Variants in NHSL1 observed in about 807,000 individuals in gnomAD.
NHSL1 encodes NHS like 1, also known as NHS-like protein 1.
In NHSL1, 48 loss-of-function variants were observed where a neutral mutation model predicts 95.0. The ratio of observed to expected loss-of-function variants is 0.51; its 90% CI spans 0.40 to 0.64. The LOEUF (loss-of-function observed/expected upper bound fraction) is 0.64, where lower values mean the gene tolerates loss of function less well. Among genes scored for constraint, NHSL1 ranks in the 30% least tolerant of loss-of-function variants. The pLI, the probability that NHSL1 is intolerant of heterozygous loss-of-function variation, is 0.00. For missense variants in NHSL1, 1,971 were observed against 2,077.7 expected, an observed-to-expected ratio of 0.95 and a Z score of 1.00; for synonymous variants, 783 against 833.9, an observed-to-expected ratio of 0.94 and a Z score of 1.05.
chr6:138,486,298 T>C (rs1000852343), intron 2 of NHSL1, among the ~76,000 whole-genome samples: 2 of 152,210 alleles, frequency 1.3e-5, no homozygotes, highest in African/African-American at 4.8e-5. Context: ...CACTCACCTT[T>C]ATTTCTTTAA....
intron 1 of NHSL1, among the ~76,000 whole-genome samples, chr6:138,590,212 G>T (rs1379508492): frequency 6.6e-6 from 1 of 152,150 alleles, no homozygotes; most frequent in Non-Finnish European, 1.5e-5. Flanking sequence ...TGGCCAGGCT[G>T]GTCTCAAACT....
intron 2 of NHSL1, among the ~76,000 whole-genome samples, chr6:138,475,277 T>C (rs1486293324): frequency 6.6e-6 from 1 of 152,056 alleles, no homozygotes; most frequent in Non-Finnish European, 1.5e-5. Context: ...TGGAGTGCAG[T>C]AGCATGATGA....
chr6:138,652,401 T>C (rs908816607), intron 1 of NHSL1, among the ~76,000 whole-genome samples: 3 of 149,748 alleles, frequency 2.0e-5, no homozygotes, highest in Admixed American at 2.0e-4. Flanking sequence ...GATCGCGCCA[T>C]TACACTCCAG....
intron 1 of NHSL1, among the ~76,000 whole-genome samples, chr6:138,648,631 C>A (rs1018788367): frequency 2.0e-5 from 3 of 152,186 alleles, no homozygotes; most frequent in African/African-American, 7.2e-5. Context: ...TGCACAGTAT[C>A]GATTCTGCTG....
intron 1 of NHSL1, among the ~76,000 whole-genome samples, chr6:138,540,641 A>C (rs1156382250): frequency 6.6e-6 from 1 of 152,218 alleles, no homozygotes; most frequent in Non-Finnish European, 1.5e-5. Flanking sequence ...GGATAGAGTT[A>C]GTTTCTAATA....
intron 1 of NHSL1, among the ~76,000 whole-genome samples, chr6:138,562,359 T>C (rs1783442514): frequency 6.6e-6 from 1 of 152,132 alleles, no homozygotes; most frequent in Non-Finnish European, 1.5e-5. Context: ...AAAGATACCC[T>C]AACATGGCCA....
chr6:138,616,928 T>G (rs1784586464), intron 1 of NHSL1, among the ~76,000 whole-genome samples: 1 of 152,162 alleles, frequency 6.6e-6, no homozygotes, highest in Non-Finnish European at 1.5e-5. Context: ...TTAAAGGAAG[T>G]GCTCCCAGCA....
chr6:138,591,130 T>C (rs553655443), intron 1 of NHSL1, among the ~76,000 whole-genome samples: 16 of 152,240 alleles, frequency 1.1e-4, no homozygotes, highest in African/African-American at 3.6e-4. Flanking sequence ...GACCTATCTT[T>C]TTGAACTTGA....
upstream of NHSL1, among the ~76,000 whole-genome samples, chr6:138,577,144 T>C (rs1179280820): frequency 9.2e-5 from 14 of 152,216 alleles, no homozygotes; most frequent in Admixed American, 7.9e-4. Flanking sequence ...TTTCAGCATA[T>C]ACTGGCATCC....
rs1430232074 is a variant in NHSL1 at position 138,430,679 on chromosome 6, T to C, written c.3666A>G (p.Glu1222=). ...FAVEPAENVS[E]ALRAVPSPTT... ...TGGGGCTGGGCACAGCTCGGAGGGC[T>C]TCGCTCACGTTCTCTGCGGGCTCCA... The change falls in exon 6 of 8, where the codon GAA becomes GAG. Residue 1222 remains glutamate, a synonymous_variant. Transcript: ENST00000343505. This position sits in a 1 kb window ranked among gnomAD's most constrained non-coding sequence, Gnocchi z 4.7. The C allele has an allele frequency of 5.8e-6, 9 of 1,551,708 alleles. No individual in the cohort carries two copies. Among genetic ancestry groups the C allele is most frequent in the Non-Finnish European group, 7.0e-6 (8 of 1,146,996 alleles).
intron 1 of NHSL1, among the ~76,000 whole-genome samples, chr6:138,497,137 C>A (rs1426206560): frequency 6.6e-6 from 1 of 152,158 alleles, no homozygotes; most frequent in Non-Finnish European, 1.5e-5. Context: ...TAAATCTCTA[C>A]AATAATTTTT....
At chr6:138,671,136 C>A (rs1785362705) in intron 1 of NHSL1, among the ~76,000 whole-genome samples, 1 of 152,010 alleles carries the variant, frequency 6.6e-6, no homozygotes, top group African/African-American at 2.4e-5. Context: ...GCCTGAGTGA[C>A]AGAGCAAGAT....
At chr6:138,501,884 A>C (rs1562332150), upstream of NHSL1, among the ~76,000 whole-genome samples, 1 of 152,218 alleles carries the variant, frequency 6.6e-6, no homozygotes, top group Non-Finnish European at 1.5e-5. Context: ...TACCTAATAC[A>C]ATGTAAATGC....
intron 1 of NHSL1, among the ~76,000 whole-genome samples, chr6:138,644,698 G>C (rs1398211886): frequency 2.0e-5 from 3 of 152,094 alleles, no homozygotes; most frequent in Non-Finnish European, 4.4e-5. Context: ...TGAGAGATAA[G>C]GAAATAGGGT....
intron 1 of NHSL1, among the ~76,000 whole-genome samples, chr6:138,644,213 C>G (rs188724749): frequency 3.4e-4 from 51 of 152,024 alleles, no homozygotes; most frequent in Admixed American, 9.2e-4. Flanking sequence ...CAATAAGAAG[C>G]AATTTCTGGC....
chr6:138,624,880 C>T (rs556627441), intron 1 of NHSL1, among the ~76,000 whole-genome samples: 34 of 152,180 alleles, frequency 2.2e-4, no homozygotes, highest in African/African-American at 8.2e-4. Flanking sequence ...CTATCTCTAC[C>T]GTTTTCAATT....
chr6:138,657,814 CAAAAAAAAAAAA>C (rs1051789759), intron 1 of NHSL1, among the ~76,000 whole-genome samples: 21 of 33,042 alleles, frequency 6.4e-4, no homozygotes, highest in Non-Finnish European at 1.1e-3. Context: ...GACTCCATCT[CAAAAAAAAAAAA>C]AAAAAAAAAA....
intron 1 of NHSL1, among the ~76,000 whole-genome samples, chr6:138,687,423 T>C (rs1785600364): frequency 6.6e-6 from 1 of 152,158 alleles, no homozygotes; most frequent in Admixed American, 6.5e-5. Context: ...GGGGACAGTC[T>C]GTTGTGAGGT....
chr6:138,581,512 T>C (rs1207470207), intron 1 of NHSL1, among the ~76,000 whole-genome samples: 2 of 151,656 alleles, frequency 1.3e-5, no homozygotes, highest in African/African-American at 2.4e-5. Flanking sequence ...GCCAACATGG[T>C]GAAACCCCGT....
Sources: gnomAD v4.1 joint callset for allele counts (sites outside exome capture counted in the v4.1 genomes callset) on GRCh38, gnomAD v4.1.1 for gene constraint, Gnocchi (gnomAD v3.1) non-coding constraint, MANE v1.5 for transcripts, NCBI Gene and HGNC (gene_info 2026-07-23, HGNC 2026-07-21) for gene names.